The following DNAI2 variants were observed in gnomAD, a reference collection of about 807,000 sequenced individuals.
The protein encoded by DNAI2 is dynein, axonemal, intermediate polypeptide 2.
In DNAI2, 63 loss-of-function variants were observed where a neutral mutation model predicts 74.7. The observed-to-expected ratio is 0.84, with a 90% CI of 0.69 to 1.04. DNAI2 has a LOEUF of 1.04. Among genes scored for constraint, DNAI2 ranks in the 50% least tolerant of loss-of-function variants. The probability of loss-of-function intolerance (pLI) is 0.00; values close to 1 mark genes in which losing one functional copy is unlikely to be tolerated. For synonymous variants in DNAI2, 289 were observed against 314.9 expected (o/e 0.92, Z 0.87); for missense variants, 688 against 803.2 (o/e 0.86, Z 1.73).
chr17:74,312,557 G>T (rs185381490), intron 12 of DNAI2, among the ~76,000 whole-genome samples: 1 of 152,146 alleles, frequency 6.6e-6, no homozygotes, highest in African/African-American at 2.4e-5. Flanking sequence ...ACTGAACGAG[G>T]GTCCTAGAGG....
rs2053699662 is a variant in DNAI2 at position 74,314,247 on chromosome 17, G to T, written c.*31G>T. On this transcript the variant is annotated 3_prime_UTR_variant, in exon 13 of 14. Transcript: ENST00000311014. ...AGCCTTCGACTGCGGCGCTATCCCT[G>T]TGTGCCTTCCTTTCCCACCTCTTGG... The T allele has an allele frequency of 1.2e-6, 2 of 1,613,406 alleles. No individual in the cohort carries two copies. The highest frequency in any genetic ancestry group is 2.2e-5 in the East Asian group (1 of 44,832).
At chr17:74,292,286 C>T (rs187696045) in intron 6 of DNAI2, among the ~76,000 whole-genome samples, 4 of 152,284 alleles carry the variant, frequency 2.6e-5, no homozygotes, top group Admixed American at 2.6e-4. Flanking sequence ...ATCCTCTTCA[C>T]ATTTTCTGTT....
Position 74,310,128 on chromosome 17 carries a change from A to G in DNAI2, c.1459A>G (p.Thr487Ala), listed in dbSNP as rs1598342741. The G allele has an allele frequency of 1.2e-6, 2 of 1,613,304 alleles. No individual in the cohort carries two copies. Among genetic ancestry groups the G allele is most frequent in the Admixed American group, 1.7e-5 (1 of 59,958 alleles). The change falls in exon 11 of 14, where the codon ACC becomes GCC. Residue 487 changes from threonine (T) to alanine (A), a missense_variant. Transcript: ENST00000311014. The part of the protein sequence containing the change: ...TLLEVSPGLS[T>A]LQRNEKNVAS... ...GCTGGAGGTCTCGCCTGGGCTCTCT[A>G]CCCTCCAGAGGAATGAGAAGAACGT...
chr17:74,299,942 A>G, intron 7 of DNAI2, 85 bp downstream of exon 7: 1 of 1,569,780 alleles, frequency 6.4e-7, no homozygotes, highest in Non-Finnish European at 8.7e-7. Flanking sequence ...CCCTGGGGAC[A>G]TTTCCTTTAA....
intron 9 of DNAI2, among the ~76,000 whole-genome samples, chr17:74,308,679 A>G (rs1025926673): frequency 6.6e-6 from 1 of 151,942 alleles, no homozygotes; most frequent in Non-Finnish European, 1.5e-5. Flanking sequence ...TCACCACCAC[A>G]CCCGGCTAAT....
chr17:74,284,221 TAA>T (rs57863144), intron 2 of DNAI2, among the ~76,000 whole-genome samples: 356 of 140,754 alleles, frequency 2.5e-3, no homozygotes, highest in African/African-American at 4.4e-3. Context: ...GACCCTCTCT[TAA>T]AAAAAAAAAA....
chr17:74,279,395 A>C (rs2051270060), intron 1 of DNAI2, among the ~76,000 whole-genome samples: 1 of 152,196 alleles, frequency 6.6e-6, no homozygotes, highest in Non-Finnish European at 1.5e-5. Context: ...CCCATTTCCC[A>C]TGATTGTATA....
At chr17:74,305,510 GC>G in intron 9 of DNAI2, 68 bp downstream of exon 9, 1 of 1,451,310 alleles carries the variant, frequency 6.9e-7, no homozygotes, top group Non-Finnish European at 9.6e-7. Flanking sequence ...GCCCAGCTGG[GC>G]CCCGGAGAGT....
At chr17:74,295,396 T>G (rs1312434305) in intron 6 of DNAI2, among the ~76,000 whole-genome samples, 1 of 152,194 alleles carries the variant, frequency 6.6e-6, no homozygotes, top group Admixed American at 6.5e-5. Flanking sequence ...AGCGAAACTC[T>G]GTCTTCAAAA....
At chr17:74,285,954 C>T (rs541769050) in intron 3 of DNAI2, among the ~76,000 whole-genome samples, 18 of 86,994 alleles carry the variant, frequency 2.1e-4, no homozygotes, top group African/African-American at 5.7e-4. Flanking sequence ...TATACACACA[C>T]ACACATATAT....
In DNAI2 at chr17:74,289,641, C is replaced by A. The variant is rs758128202; in HGVS notation, c.515C>A (p.Pro172His). The change falls in exon 5 of 14, where the codon CCC (proline) becomes CAC (histidine). Residue 172 changes from proline (P) to histidine (H), a missense_variant. Transcript: ENST00000311014. ...KRAATHLSWH[P>H]DGNRKLAVAY... Reference sequence around the variant, plus strand: ...GCTGCCACACACCTCTCCTGGCACCCCGATGGCAACAGGAAGTTGGCAGTG... The same window carrying A: ...GCTGCCACACACCTCTCCTGGCACCACGATGGCAACAGGAAGTTGGCAGTG... The A allele has an allele frequency of 6.2e-7, 1 of 1,614,138 alleles. No homozygotes were observed. The highest frequency in any genetic ancestry group is 1.7e-5 in the Admixed American group (1 of 60,020).
intron 13 of DNAI2, 76 bp downstream of exon 13, chr17:74,314,347 G>A: frequency 1.3e-6 from 2 of 1,557,478 alleles, no homozygotes; most frequent in Non-Finnish European, 1.8e-6. Flanking sequence ...GGGAGCATCG[G>A]GCCCTGACTC....
intron 9 of DNAI2, chr17:74,307,310 G>A (rs11867486): frequency 0.53 from 241,263 of 455,912 alleles, 69,902 homozygotes; most frequent in Non-Finnish European, 0.65. Flanking sequence ...GACCTGTGTC[G>A]TAGAACCTGG....
intron 10 of DNAI2, 184 bp downstream of exon 10, chr17:74,309,572 T>A: frequency 1.2e-6 from 1 of 840,078 alleles, no homozygotes; most frequent in Non-Finnish European, 2.0e-6. Context: ...CTACAAAGGT[T>A]AAGGGGCCTG....
At position 74,303,596 on chromosome 17, in the gene DNAI2, A is replaced by ATT. The variant is rs542455902; in HGVS notation, c.988-1608_988-1607dup. 1.3e-3 allele frequency among the ~76,000 whole-genome samples: 176 copies of ATT among 132,810 alleles called. 1 individual carries two copies. The highest frequency in any genetic ancestry group is 3.5e-3 in the African/African-American group (127 of 36,230). 87.1% of individuals were successfully genotyped at this position (132,810 alleles called of 152,430 possible). A position where few individuals can be genotyped will look rare whatever the true frequency, so the allele number is the denominator to read the frequency against. ...AGGCACATGCCACCAAGCCAGGCTG[A>ATT]TTTTTTTTTTTTTTTTGAGACAGAG... On this transcript the variant is annotated intron_variant, in intron 8 of 13. Coordinates refer to ENST00000311014, the MANE Select transcript of DNAI2 (RefSeq NM_023036.6).
At chr17:74,295,095 A>G (rs4789051) in intron 6 of DNAI2, among the ~76,000 whole-genome samples, 46,410 of 151,852 alleles carry the variant, frequency 0.31, 8,096 homozygotes, top group East Asian at 0.78. Flanking sequence ...TCTTTCTTTT[A>G]AAAATAATTT....
At chr17:74,282,137 G>A in intron 2 of DNAI2, 137 bp downstream of exon 2, 1 of 1,007,572 alleles carries the variant, frequency 9.9e-7, no homozygotes, top group Non-Finnish European at 1.5e-6. Flanking sequence ...TGCTGGAAGT[G>A]AGGGCAGAGG....
chr17:74,305,418 G>A lies in DNAI2; in HGVS notation c.1187G>A (p.Arg396Gln), dbSNP rs780180539. ...GCCCGCATTTGGTCTGAAGACAGCCGGGAATCGTCCATCATGTGGACCAAG... is the reference window on the plus strand; with the variant it reads ...GCCCGCATTTGGTCTGAAGACAGCCAGGAATCGTCCATCATGTGGACCAAG... ...WTARIWSEDS[R>Q]ESSIMWTKYH... is the part of the protein sequence containing the mutation. The change falls in exon 9 of 14, where the codon CGG (arginine) becomes CAG (glutamine). Residue 396 changes from arginine (R) to glutamine (Q), a missense_variant. Transcript: ENST00000311014. 21 of 1,614,134 alleles carry A rather than the reference G, an allele frequency of 1.3e-5. No homozygotes were observed. Among genetic ancestry groups the A allele is most frequent in the South Asian group, 3.3e-5 (3 of 91,078 alleles).
intron 1 of DNAI2, chr17:74,281,447 G>A (rs771188981): frequency 2.1e-6 from 1 of 474,448 alleles, no homozygotes; most frequent in East Asian, 3.3e-5. Context: ...TTGCAGAGAT[G>A]GGGTTTCACC....
Sources: gnomAD v4.1 joint callset for allele counts (sites outside exome capture counted in the v4.1 genomes callset) on GRCh38, gnomAD v4.1.1 for gene constraint, MANE v1.5 for transcripts, NCBI Gene and HGNC (gene_info 2026-07-23, HGNC 2026-07-21) for gene names.